KAZN: variants seen among roughly 807,000 people sequenced by gnomAD.
The protein encoded by KAZN is kazrin.
KAZN carries 40 observed loss-of-function variants against 87.4 expected under a neutral mutation model. The ratio of observed to expected loss-of-function variants is 0.46; its 90% CI spans 0.36 to 0.60. The LOEUF (loss-of-function observed/expected upper bound fraction) is 0.60, where lower values mean the gene tolerates loss of function less well. KAZN is among the 20% of genes least tolerant of loss of function. The pLI is 0.00. For missense variants in KAZN, 898 were observed against 1,073.9 expected (o/e 0.84, Z 2.29); for synonymous variants, 466 against 458.3 (o/e 1.02, Z -0.22).
upstream of KAZN, among the ~76,000 whole-genome samples, chr1:14,598,541 G>T (rs1382150005): frequency 6.6e-6 from 1 of 152,016 alleles, no homozygotes; most frequent in African/African-American, 2.4e-5. The surrounding 1 kb of genome is among the most constrained non-coding windows in gnomAD (Gnocchi z 4.2). Flanking sequence ...GCCGTCCGCC[G>T]CCTCCGCCCC....
chr1:14,816,714 A>G (rs988664647), intron 1 of KAZN, among the ~76,000 whole-genome samples: 13 of 151,976 alleles, frequency 8.6e-5, no homozygotes, highest in African/African-American at 3.2e-4. Context: ...ATAAATTGAT[A>G]GACACATACA....
exon 1 of KAZN, chr1:13,893,357 G>A (rs981435123): frequency 6.6e-5 from 16 of 241,602 alleles, no homozygotes; most frequent in Non-Finnish European, 1.3e-4. Context: ...CCACCCTTCC[G>A]GGTCAAGAAG....
intron 2 of KAZN, among the ~76,000 whole-genome samples, chr1:14,993,418 A>G (rs12410428): frequency 0.38 from 57,160 of 151,430 alleles, 11,916 homozygotes; most frequent in African/African-American, 0.55. Flanking sequence ...GCAGTGAGCC[A>G]AGATCACGCC....
At chr1:14,719,508 T>C (rs1191891131) in intron 1 of KAZN, among the ~76,000 whole-genome samples, 2 of 152,026 alleles carry the variant, frequency 1.3e-5, no homozygotes, top group African/African-American at 4.8e-5. Context: ...AGGACAGTGG[T>C]TAGGGTGAGA....
Position 14,337,176 on chromosome 1 carries a change from A to G in KAZN, c.249+156584A>G, listed in dbSNP as rs551035522. On this transcript the variant is annotated intron_variant, in intron 2 of 16. Transcript: ENST00000636203. Reference sequence around the variant, plus strand: ...AAATGCCTGGTAATTGTTAGCCCTTATTATTTGAAGCTAGCACAAGTGTTT... The same window carrying G: ...AAATGCCTGGTAATTGTTAGCCCTTGTTATTTGAAGCTAGCACAAGTGTTT... 2.0e-4 allele frequency among the ~76,000 whole-genome samples: 30 copies of G among 152,346 alleles called. 1 individual carries two copies. Among genetic ancestry groups the G allele is most frequent in the African/African-American group, 7.2e-4 (30 of 41,588 alleles).
At position 14,063,523 on chromosome 1, in the gene KAZN, G is replaced by A. The variant is rs536573677; in HGVS notation, c.92-116912G>A. Among the ~76,000 whole-genome samples, 27 of 152,252 alleles carry A rather than the reference G, an allele frequency of 1.8e-4. No individual in the cohort carries two copies. In the South Asian group the frequency reaches 5.6e-3, roughly 32 times the overall value. The stretch of plus-strand genomic sequence containing the variant: ...TTCTTGTTATAATCAGGTTTGGAGG[G>A]TGATTCTTCTAACAGAATAGCTGAC... On this transcript the variant is annotated intron_variant, in intron 1 of 16. Coordinates refer to the KAZN transcript ENST00000636203.
At chr1:14,235,852 C>G (rs965851912) in intron 2 of KAZN, among the ~76,000 whole-genome samples, 1 of 152,126 alleles carries the variant, frequency 6.6e-6, no homozygotes, top group African/African-American at 2.4e-5. Context: ...CTTAGCAATC[C>G]AGTCTCTTTT....
At chr1:14,248,324 G>C (rs948224055) in intron 2 of KAZN, among the ~76,000 whole-genome samples, 1 of 152,316 alleles carries the variant, frequency 6.6e-6, no homozygotes, top group African/African-American at 2.4e-5. Context: ...CAGAGTGAGG[G>C]AGTTGGACAT....
intron 1 of KAZN, among the ~76,000 whole-genome samples, chr1:14,730,840 T>C (rs918228965): frequency 2.0e-5 from 3 of 152,116 alleles, no homozygotes; most frequent in Non-Finnish European, 4.4e-5. Flanking sequence ...AAGACCCAGG[T>C]GGCTCTAATC....
At chr1:15,100,229 T>A (rs1640996286) in intron 10 of KAZN, among the ~76,000 whole-genome samples, 1 of 151,974 alleles carries the variant, frequency 6.6e-6, no homozygotes, top group Admixed American at 6.5e-5. Context: ...GAGGAGCCCA[T>A]TGTATGGCAG....
At chr1:14,054,871 T>C (rs1642484081) in intron 1 of KAZN, among the ~76,000 whole-genome samples, 1 of 152,202 alleles carries the variant, frequency 6.6e-6, no homozygotes, top group South Asian at 2.1e-4. Context: ...ATTATTTTAA[T>C]GTGATGTGTT....
At chr1:13,916,124 G>A (rs1639842576) in intron 1 of KAZN, among the ~76,000 whole-genome samples, 1 of 152,192 alleles carries the variant, frequency 6.6e-6, no homozygotes, top group Non-Finnish European at 1.5e-5. Flanking sequence ...CAGGCCAGAT[G>A]TGGTTTTCCA....
intron 8 of KAZN, among the ~76,000 whole-genome samples, chr1:15,074,057 G>A (rs1639631582): frequency 6.6e-6 from 1 of 152,252 alleles, no homozygotes; most frequent in African/African-American, 2.4e-5. Flanking sequence ...CAGTGTTCAG[G>A]TTGGTCAAGG....
intron 2 of KAZN, among the ~76,000 whole-genome samples, chr1:14,415,160 G>A (rs547128597): frequency 6.6e-5 from 10 of 152,258 alleles, no homozygotes; most frequent in East Asian, 1.9e-4. Flanking sequence ...TAGCAAGGTC[G>A]ATGATGGATC....
intron 1 of KAZN, among the ~76,000 whole-genome samples, chr1:14,049,661 C>G (rs1642228182): frequency 6.6e-6 from 1 of 152,158 alleles, no homozygotes; most frequent in Admixed American, 6.5e-5. Context: ...CTTTTCCCTC[C>G]TTTTCTCCCT....
At chr1:14,199,460 C>A (rs1345787513) in intron 2 of KAZN, among the ~76,000 whole-genome samples, 1 of 152,184 alleles carries the variant, frequency 6.6e-6, no homozygotes, top group Non-Finnish European at 1.5e-5. Context: ...ATATAGTCCA[C>A]CATCAATTCT....
chr1:15,008,590 A>C (rs1669264125), intron 2 of KAZN, among the ~76,000 whole-genome samples: 1 of 152,202 alleles, frequency 6.6e-6, no homozygotes, highest in Admixed American at 6.5e-5. Context: ...ACCCCTCTGG[A>C]ACAGGCAGGT....
chr1:14,283,703 A>G (rs1653025838), intron 2 of KAZN, among the ~76,000 whole-genome samples: 1 of 152,192 alleles, frequency 6.6e-6, no homozygotes, highest in African/African-American at 2.4e-5. Flanking sequence ...TTAAACACAA[A>G]GTCACCATAT....
intron 2 of KAZN, among the ~76,000 whole-genome samples, chr1:14,364,898 TTTTTG>T (rs1229480584): frequency 6.6e-6 from 1 of 152,122 alleles, no homozygotes; most frequent in Non-Finnish European, 1.5e-5. Context: ...TTCCTCTGTT[TTTTTG>T]TTTTGTTTTG....
Sources: gnomAD v4.1 joint callset for allele counts (sites outside exome capture counted in the v4.1 genomes callset) on GRCh38, gnomAD v4.1.1 for gene constraint, Gnocchi (gnomAD v3.1) non-coding constraint, MANE v1.5 for transcripts, NCBI Gene and HGNC (gene_info 2026-07-23, HGNC 2026-07-21) for gene names.